The following SHISA6 variants were observed in gnomAD, a reference collection of about 807,000 sequenced individuals.
The protein encoded by SHISA6 is shisa family member 6.
In SHISA6, 22 loss-of-function variants were observed where a neutral mutation model predicts 47.9. That is an observed-to-expected ratio of 0.46 (90% confidence interval 0.33 to 0.66). SHISA6 has a LOEUF of 0.66. SHISA6 is among the 30% of genes least tolerant of loss of function. The pLI, the probability that SHISA6 is intolerant of heterozygous loss-of-function variation, is 0.02. For synonymous variants in SHISA6, 388 were observed against 337.8 expected, an observed-to-expected ratio of 1.15 and a Z score of -1.63; for missense variants, 680 against 764.6, an observed-to-expected ratio of 0.89 and a Z score of 1.30.
intron 1 of SHISA6, among the ~76,000 whole-genome samples, chr17:11,252,257 C>T (rs1389024939): frequency 8.5e-5 from 13 of 152,162 alleles, no homozygotes; most frequent in African/African-American, 2.7e-4. Flanking sequence ...CTGCAGTCTT[C>T]GCAAACACTC....
Position 11,325,248 on chromosome 17 carries a change from G to A in SHISA6, c.800-54166G>A, listed in dbSNP as rs553490747. On this transcript the variant is annotated intron_variant, in intron 2 of 5. Coordinates refer to ENST00000441885, the MANE Select transcript of SHISA6 (RefSeq NM_207386.4). ...TGTTTCAGTTCATCAGGCTGAAGGG[G>A]CAGCAGGGCTTTGGCAGGTTGAATG... Among the ~76,000 whole-genome samples the A allele has an allele frequency of 2.0e-5, 3 of 152,306 alleles. No individual in the cohort carries two copies. In the South Asian group the frequency reaches 6.2e-4, roughly 32 times the overall value.
In SHISA6 at chr17:11,557,803, C is replaced by G. The variant is rs1450587078; in HGVS notation, c.1155C>G (p.Asp385Glu). Residue 385 changes from aspartate to glutamate, a missense_variant, in exon 6 of 6, where the codon GAC (aspartate) becomes GAG (glutamate). Coordinates refer to ENST00000441885, the MANE Select transcript of SHISA6 (RefSeq NM_207386.4). ...ACATGAGACGGCGGCACCTGCCCGA[C>G]CTGGCTGCCCGCGGCACCCTCCCCC... ...EYYMRRRHLP[D>E]LAARGTLPLN... is the part of the protein sequence containing the mutation. 1 of 1,551,206 alleles carries G rather than the reference C, an allele frequency of 6.4e-7. No individual in the cohort carries two copies. The highest frequency in any genetic ancestry group is 2.4e-5 in the East Asian group (1 of 40,904).
intron 2 of SHISA6, among the ~76,000 whole-genome samples, chr17:11,344,140 CTATT>C (rs1326652598): frequency 6.6e-6 from 1 of 152,068 alleles, no homozygotes; most frequent in Non-Finnish European, 1.5e-5. Flanking sequence ...GGAGAAACGT[CTATT>C]TAAATCTTTC....
intron 2 of SHISA6, among the ~76,000 whole-genome samples, chr17:11,278,518 A>G (rs981204629): frequency 6.6e-6 from 1 of 152,254 alleles, no homozygotes; most frequent in Non-Finnish European, 1.5e-5. Flanking sequence ...CAACAAAGCC[A>G]GTTTTTCCTA....
intron 3 of SHISA6, among the ~76,000 whole-genome samples, chr17:11,529,211 A>T (rs117440845): frequency 0.015 from 2,223 of 152,164 alleles, 26 homozygotes; most frequent in Non-Finnish European, 0.024. Flanking sequence ...AAATTAAAAA[A>T]AATTAAAAAA....
chr17:11,549,504 A>G (rs1254591148), intron 3 of SHISA6, among the ~76,000 whole-genome samples: 8 of 152,226 alleles, frequency 5.3e-5, no homozygotes. Context: ...GGCCAATAAT[A>G]TATATTCATT....
chr17:11,458,187 A>G (rs913453010), intron 3 of SHISA6, among the ~76,000 whole-genome samples: 2 of 152,180 alleles, frequency 1.3e-5, no homozygotes, highest in African/African-American at 2.4e-5. Context: ...CTTAAGTCCA[A>G]CCAGTGAGTA....
Position 11,525,643 on chromosome 17 carries a change from AAAAAAAAAC to A in SHISA6, c.896-26244_896-26236del, listed in dbSNP as rs1483151641. ...CAAGACTCCGTCTCAAAAAAAAAAAAAAAAAAAACAAAAAAAAAAAAACGTGTTATAATA... is the reference window on the plus strand; with the variant it reads ...CAAGACTCCGTCTCAAAAAAAAAAAAAAAAAAAAAAAAACGTGTTATAATA... On this transcript the variant is annotated intron_variant, in intron 3 of 5. Coordinates refer to ENST00000441885, the MANE Select transcript of SHISA6 (RefSeq NM_207386.4). 1.8e-3 allele frequency among the ~76,000 whole-genome samples: 165 copies of A among 92,052 alleles called. 3 individuals are homozygous for A. The highest frequency in any genetic ancestry group is 7.1e-3 in the African/African-American group (146 of 20,590). The allele number at this position is 92,052 out of a possible 152,430, so 60.4% of individuals were successfully genotyped here.
intron 3 of SHISA6, among the ~76,000 whole-genome samples, chr17:11,533,969 CTTTT>C (rs994416907): frequency 1.9e-5 from 2 of 102,970 alleles, no homozygotes; most frequent in Non-Finnish European, 3.9e-5. Flanking sequence ...TTTATTCTAA[CTTTT>C]TTTTGTTTGT....
chr17:11,501,740 T>C (rs1185425102), intron 3 of SHISA6, among the ~76,000 whole-genome samples: 2 of 151,948 alleles, frequency 1.3e-5, no homozygotes, highest in African/African-American at 4.8e-5. Flanking sequence ...ATATGAGTGC[T>C]GCCACCCAGA....
At position 11,420,606 on chromosome 17, in the gene SHISA6, A is replaced by G. The variant is rs1393804857; in HGVS notation, c.895+41097A>G. On this transcript the variant is annotated intron_variant, in intron 3 of 5. Coordinates refer to ENST00000441885, the MANE Select transcript of SHISA6 (RefSeq NM_207386.4). ...TCAAAAAAGATGCAGGCATTAATAG[A>G]AGGAAGGGGTCAGAACTGAATCTGT... 2.0e-5 allele frequency among the ~76,000 whole-genome samples: 3 copies of G among 152,304 alleles called. No homozygotes were observed. The East Asian group carries it at 5.8e-4, about 29-fold the overall frequency.
intron 2 of SHISA6, among the ~76,000 whole-genome samples, chr17:11,372,597 GT>G (rs1206388971): frequency 2.0e-5 from 3 of 150,582 alleles, no homozygotes; most frequent in Non-Finnish European, 4.4e-5. Context: ...TTTTTAATGT[GT>G]TTTTTCTAGT....
At chr17:11,270,167 G>C (rs915009470) in intron 2 of SHISA6, among the ~76,000 whole-genome samples, 3 of 152,120 alleles carry the variant, frequency 2.0e-5, no homozygotes, top group Non-Finnish European at 4.4e-5. Flanking sequence ...ATAGAGACAG[G>C]GTTTCACCAT....
chr17:11,277,319 C>CACACACACACACACACA (rs1597435976), intron 2 of SHISA6, among the ~76,000 whole-genome samples: 1 of 142,714 alleles, frequency 7.0e-6, no homozygotes, highest in African/African-American at 2.7e-5. Context: ...CACACACACA[C>CACACACACACACACACA]CCCGCATGTA....
intron 3 of SHISA6, among the ~76,000 whole-genome samples, chr17:11,437,855 G>A (rs1034425223): frequency 3.9e-5 from 6 of 152,154 alleles, no homozygotes; most frequent in Non-Finnish European, 1.5e-5. Flanking sequence ...GCATCCCTGG[G>A]GAGATTCACC....
intron 2 of SHISA6, among the ~76,000 whole-genome samples, chr17:11,379,123 T>C (rs1912918315): frequency 6.7e-6 from 1 of 148,410 alleles, no homozygotes; most frequent in Non-Finnish European, 1.5e-5. Flanking sequence ...TATACTAATA[T>C]ACTAGATATA....
intron 2 of SHISA6, among the ~76,000 whole-genome samples, chr17:11,337,926 A>G (rs1911380381): frequency 6.6e-6 from 1 of 152,148 alleles, no homozygotes; most frequent in Non-Finnish European, 1.5e-5. Context: ...GTTACTTGTT[A>G]CCACTGTGGC....
chr17:11,247,846 C>T (rs1457991140), intron 1 of SHISA6, among the ~76,000 whole-genome samples: 1 of 150,240 alleles, frequency 6.7e-6, no homozygotes, highest in East Asian at 2.0e-4. Context: ...ACAATGTCTG[C>T]TCACTGCAAC....
At chr17:11,333,592 G>A (rs948697772) in intron 2 of SHISA6, among the ~76,000 whole-genome samples, 2 of 152,074 alleles carry the variant, frequency 1.3e-5, no homozygotes, top group Non-Finnish European at 2.9e-5. Context: ...TTGGCTCACT[G>A]CAATCTCCGC....
Sources: gnomAD v4.1 joint callset for allele counts (sites outside exome capture counted in the v4.1 genomes callset) on GRCh38, gnomAD v4.1.1 for gene constraint, MANE v1.5 for transcripts, NCBI Gene and HGNC (gene_info 2026-07-23, HGNC 2026-07-21) for gene names.